GRIK4: variants seen among roughly 807,000 people sequenced by gnomAD.
The protein encoded by GRIK4 is glutamate ionotropic receptor kainate type subunit 4.
A neutral mutation model predicts 104.9 loss-of-function variants in GRIK4; 40 were observed. The ratio of observed to expected loss-of-function variants is 0.38; its 90% CI spans 0.30 to 0.50. GRIK4 has a LOEUF of 0.50. Among genes scored for constraint, GRIK4 ranks in the 20% least tolerant of loss-of-function variants. GRIK4 has a pLI of 0.93. For synonymous variants in GRIK4, 485 were observed against 524.9 expected, an observed-to-expected ratio of 0.92 and a Z score of 1.04; for missense variants, 1,047 against 1,308.1, an observed-to-expected ratio of 0.80 and a Z score of 3.08.
intron 3 of GRIK4, among the ~76,000 whole-genome samples, chr11:120,670,096 T>C (rs1168983174): frequency 6.6e-6 from 1 of 152,238 alleles, no homozygotes; most frequent in Non-Finnish European, 1.5e-5. Flanking sequence ...CTTTCTCTGA[T>C]ACCCACATCC....
intron 3 of GRIK4, among the ~76,000 whole-genome samples, chr11:120,670,699 T>G (rs1456202715): frequency 9.5e-6 from 1 of 105,290 alleles, no homozygotes; most frequent in Non-Finnish European, 2.1e-5. Context: ...TTCCTTTTTC[T>G]TTTTTTTATT....
At chr11:120,515,321 C>T (rs1374865628) in intron 1 of GRIK4, among the ~76,000 whole-genome samples, 2 of 152,198 alleles carry the variant, frequency 1.3e-5, no homozygotes, top group East Asian at 3.8e-4. Flanking sequence ...GACAAGTTGC[C>T]TCACCTCTCT....
chr11:120,866,668 C>A lies in GRIK4; in HGVS notation c.906+4548C>A, dbSNP rs115551854. Among the ~76,000 whole-genome samples, 210 of 152,188 alleles carry A rather than the reference C, an allele frequency of 1.4e-3. 1 individual carries two copies. The highest frequency in any genetic ancestry group is 5.0e-3 in the African/African-American group (206 of 41,524). Reference sequence around the variant, plus strand: ...AGAGTAAAGATGGGCTGAGCTGCACCGGCTCAAGGCTGTCTCAGGGAACCA... The same window carrying A: ...AGAGTAAAGATGGGCTGAGCTGCACAGGCTCAAGGCTGTCTCAGGGAACCA... On this transcript the variant is annotated intron_variant, in intron 9 of 20. Coordinates refer to ENST00000527524, the MANE Select transcript of GRIK4 (RefSeq NM_014619.5).
At chr11:120,742,032 G>A (rs192342565) in intron 3 of GRIK4, among the ~76,000 whole-genome samples, 2 of 152,062 alleles carry the variant, frequency 1.3e-5, no homozygotes, top group Admixed American at 6.6e-5. Context: ...GGAAAGGTTT[G>A]GTCAAATTTA....
At chr11:120,689,711 C>T (rs2135306607) in intron 3 of GRIK4, among the ~76,000 whole-genome samples, 1 of 152,278 alleles carries the variant, frequency 6.6e-6, no homozygotes, top group East Asian at 1.9e-4. Flanking sequence ...CCTCCCAGTC[C>T]AAATGAGTCA....
At chr11:120,739,084 C>G (rs1196889798) in intron 3 of GRIK4, among the ~76,000 whole-genome samples, 3 of 152,162 alleles carry the variant, frequency 2.0e-5, no homozygotes, top group Non-Finnish European at 2.9e-5. Flanking sequence ...GCCCTTGGTC[C>G]ACACCAGCCT....
chr11:120,743,554 T>A (rs969258045), intron 3 of GRIK4, among the ~76,000 whole-genome samples: 3 of 152,198 alleles, frequency 2.0e-5, no homozygotes, highest in Admixed American at 1.3e-4. Flanking sequence ...CGAGCCTTCA[T>A]GTGTACCTCC....
At chr11:120,945,100 G>A (rs1035930081) in intron 14 of GRIK4, among the ~76,000 whole-genome samples, 4 of 152,046 alleles carry the variant, frequency 2.6e-5, no homozygotes, top group African/African-American at 9.7e-5. Flanking sequence ...CTGCATCCAG[G>A]TCTTTGCCTG....
chr11:120,867,840 C>G (rs1217116698), intron 9 of GRIK4: 4 of 152,052 alleles, frequency 2.6e-5, no homozygotes, highest in Middle Eastern at 3.2e-3. Context: ...ACACGCCGTT[C>G]CCATTAATCA....
At chr11:120,739,917 G>A (rs959392882) in intron 3 of GRIK4, among the ~76,000 whole-genome samples, 1 of 152,198 alleles carries the variant, frequency 6.6e-6, no homozygotes, top group Non-Finnish European at 1.5e-5. Context: ...ATCACACACA[G>A]ACCAAACCCA....
At chr11:120,597,539 C>G (rs937617437) in intron 1 of GRIK4, among the ~76,000 whole-genome samples, 9 of 152,164 alleles carry the variant, frequency 5.9e-5, no homozygotes, top group African/African-American at 2.2e-4. Context: ...CACATAAAGG[C>G]AATTTCTCTA....
chr11:120,550,973 T>C (rs1948133879), intron 1 of GRIK4, among the ~76,000 whole-genome samples: 2 of 151,882 alleles, frequency 1.3e-5, no homozygotes, highest in East Asian at 1.9e-4. Context: ...GAGTGCACAG[T>C]GAAGGGCATG....
At chr11:120,934,569 A>T (rs1015575400) in intron 13 of GRIK4, among the ~76,000 whole-genome samples, 1 of 152,204 alleles carries the variant, frequency 6.6e-6, no homozygotes, top group Admixed American at 6.5e-5. Flanking sequence ...ATTAATCTCC[A>T]GGAGGCCAAA....
intron 1 of GRIK4, among the ~76,000 whole-genome samples, chr11:120,577,232 A>G (rs1297492768): frequency 2.6e-5 from 4 of 152,054 alleles, no homozygotes; most frequent in Non-Finnish European, 5.9e-5. Context: ...CTGAACTTGC[A>G]TCCTGTGGAG....
intron 3 of GRIK4, among the ~76,000 whole-genome samples, chr11:120,738,509 G>A (rs1164866425): frequency 6.6e-6 from 1 of 152,216 alleles, no homozygotes; most frequent in Non-Finnish European, 1.5e-5. Flanking sequence ...GCTACATGGT[G>A]TGTTCTGCTG....
chr11:120,741,485 A>G (rs1951333708), intron 3 of GRIK4, among the ~76,000 whole-genome samples: 1 of 151,764 alleles, frequency 6.6e-6, no homozygotes, highest in Non-Finnish European at 1.5e-5. Context: ...TCAACATTTT[A>G]GCCAGGATGG....
rs547638538 is a variant in GRIK4, at chr11:120,555,978, G to A, written c.-159+44091G>A. ...TGGTTTACTTACATGTTAGACTGTCGGCTACTTGAAACCAGTTCTTCTCAT... is the reference window on the plus strand; with the variant it reads ...TGGTTTACTTACATGTTAGACTGTCAGCTACTTGAAACCAGTTCTTCTCAT... On this transcript the variant is annotated intron_variant, in intron 1 of 20. Coordinates refer to ENST00000527524, the MANE Select transcript of GRIK4 (RefSeq NM_014619.5). This position sits in a 1 kb window ranked among gnomAD's most constrained non-coding sequence, Gnocchi z 5.3. 6.6e-6 allele frequency among the ~76,000 whole-genome samples: 1 copy of A among 152,244 alleles called. No individual in the cohort carries two copies. Among genetic ancestry groups the A allele is most frequent in the East Asian group, 1.9e-4 (1 of 5,186 alleles).
chr11:120,942,358 C>A (rs970527260), intron 14 of GRIK4, among the ~76,000 whole-genome samples: 1 of 152,178 alleles, frequency 6.6e-6, no homozygotes, highest in Non-Finnish European at 1.5e-5. Flanking sequence ...TCCCCTCCCC[C>A]ACATTGACCC....
In GRIK4 at chr11:120,718,644, G is replaced by C. The variant is rs117208105; in HGVS notation, c.82+58244G>C. Among the ~76,000 whole-genome samples the C allele has an allele frequency of 7.1e-3, 1,075 of 152,304 alleles. 55 individuals carry two copies. In the East Asian group the frequency reaches 0.13, roughly 18 times the overall value. On this transcript the variant is annotated intron_variant, in intron 3 of 20. Coordinates refer to ENST00000527524, the MANE Select transcript of GRIK4 (RefSeq NM_014619.5). Reference sequence around the variant, plus strand: ...AACATGTATTGAGCATTGTCTGTACGCTGAAGCTGAGCAAGGCACTTTCAT... The same window carrying C: ...AACATGTATTGAGCATTGTCTGTACCCTGAAGCTGAGCAAGGCACTTTCAT...
Sources: allele counts gnomAD v4.1 joint callset (sites outside exome capture counted in the v4.1 genomes callset), GRCh38; gene constraint gnomAD v4.1.1; non-coding constraint Gnocchi (gnomAD v3.1); transcripts MANE v1.5; gene names NCBI Gene and HGNC (gene_info 2026-07-23, HGNC 2026-07-21).